Variants in HEXD observed in about 807,000 individuals in gnomAD.
HEXD encodes hexosaminidase D.
A neutral mutation model predicts 54.2 loss-of-function variants in HEXD; 47 were observed. That is an observed-to-expected ratio of 0.87 (90% CI 0.69 to 1.11). The LOEUF (loss-of-function observed/expected upper bound fraction) is 1.11. Ranked by LOEUF, HEXD falls within the 50% of genes least tolerant of loss-of-function variation. The pLI is 0.00. For missense variants in HEXD, 576 were observed against 649.2 expected (o/e 0.89, Z 1.23); for synonymous variants, 293 against 287.6 (o/e 1.02, Z -0.19).
At position 82,435,794 on chromosome 17, in the gene HEXD, G is replaced by A. The variant is rs200042692; in HGVS notation, c.553G>A (p.Val185Met). The A allele has an allele frequency of 1.7e-4, 275 of 1,612,686 alleles. No individual in the cohort carries two copies. Among genetic ancestry groups the A allele is most frequent in the Non-Finnish European group, 2.0e-4 (234 of 1,179,886 alleles). The change falls in exon 6 of 13, where the codon GTG becomes ATG. Residue 185 changes from valine to methionine, a missense_variant. Transcript: ENST00000327949. ...LSHMRAVASG[V>M]KARRPSVTPL... ...ACACATGCGGGCGGTGGCCAGCGGCGTGAAGGCCCGGCGCCCCAGCGTGAC... is the reference window on the plus strand; with the variant it reads ...ACACATGCGGGCGGTGGCCAGCGGCATGAAGGCCCGGCGCCCCAGCGTGAC...
intron 7 of HEXD, 152 bp downstream of exon 7, chr17:82,436,890 C>A: frequency 1.4e-6 from 1 of 701,534 alleles, no homozygotes; most frequent in Non-Finnish European, 2.3e-6. Context: ...GCCCATGGTG[C>A]CTCGGGACGG....
At chr17:82,430,442 G>A (rs2053543201) in intron 4 of HEXD, among the ~76,000 whole-genome samples, 1 of 152,182 alleles carries the variant, frequency 6.6e-6, no homozygotes, top group Non-Finnish European at 1.5e-5. Flanking sequence ...AGGCTGGAGT[G>A]TAGTGGTGCA....
chr17:82,440,878 C>G, intron 9 of HEXD, 119 bp from the exon 10 acceptor site: 1 of 1,147,486 alleles, frequency 8.7e-7, no homozygotes, highest in Non-Finnish European at 1.3e-6. Context: ...CTGGGCCTGG[C>G]CAGTGGCTCT....
At chr17:82,426,597 A>G (rs2053421016) in intron 3 of HEXD, 1 of 152,202 alleles carries the variant, frequency 6.6e-6, no homozygotes, top group South Asian at 2.1e-4. Flanking sequence ...GGAAAGAAAG[A>G]AAGAAAATGT....
Position 82,439,657 on chromosome 17 carries a change from A to G in HEXD, c.926A>G (p.Glu309Gly). 6.3e-7 allele frequency: 1 copy of G among 1,593,446 alleles called. No homozygotes were observed. The highest frequency in any genetic ancestry group is 8.5e-7 in the Non-Finnish European group (1 of 1,174,180). ...TACGACCACTACTCTGTGCTGTGCGAGCTGCTGCCCGCAGGAGTCCCGTCC... is the reference window on the plus strand; with the variant it reads ...TACGACCACTACTCTGTGCTGTGCGGGCTGCTGCCCGCAGGAGTCCCGTCC... ...QRYDHYSVLCELLPAGVPSLA... is the reference protein window; with the variant it reads ...QRYDHYSVLCGLLPAGVPSLA... The change falls in exon 9 of 13, where the codon GAG becomes GGG. Residue 309 changes from glutamate (E) to glycine (G), a missense_variant. Transcript: ENST00000327949.
At chr17:82,431,668 C>T (rs751835958) in intron 4 of HEXD, among the ~76,000 whole-genome samples, 10 of 152,222 alleles carry the variant, frequency 6.6e-5, no homozygotes, top group East Asian at 3.9e-4. Flanking sequence ...CTGCCCGCTT[C>T]GGCCTCCCAA....
At chr17:82,436,484 C>A (rs567504935) in intron 6 of HEXD, among the ~76,000 whole-genome samples, 183 bp from the exon 7 acceptor site, 1 of 152,236 alleles carries the variant, frequency 6.6e-6, no homozygotes, top group Non-Finnish European at 1.5e-5. Flanking sequence ...CTCCAGCGGG[C>A]GCTGGCTTGG....
rs894903820 is a variant in HEXD, at chr17:82,442,493, AGT to A, written c.*112_*113del. The A allele has an allele frequency of 6.2e-7, 1 of 1,602,438 alleles. No homozygotes were observed. Among genetic ancestry groups the A allele is most frequent in the Non-Finnish European group, 8.5e-7 (1 of 1,171,074 alleles). ...TGGGCGTCGTGCCCTCTGGCCCAGC[AGT>A]GTCTTGCCCACACTCAGTTCCTGAG... On this transcript the variant is annotated 3_prime_UTR_variant, in exon 13 of 13. Transcript: ENST00000327949. This position sits in a 1 kb window ranked among gnomAD's most constrained non-coding sequence, Gnocchi z 6.8.
rs1427650520 is a variant in HEXD at position 82,427,561 on chromosome 17, TC to T, written c.195-996del. Reference sequence around the variant, plus strand: ...GAGATGATCAGGTGCGATGAGATGATCAAGTGCGATGACATGATCAGGGGTT... The same window carrying T: ...GAGATGATCAGGTGCGATGAGATGATAAGTGCGATGACATGATCAGGGGTT... On this transcript the variant is annotated intron_variant, in intron 3 of 12. Coordinates refer to ENST00000327949, the MANE Select transcript of HEXD (RefSeq NM_001330542.2). Among the ~76,000 whole-genome samples the T allele has an allele frequency of 4.6e-5, 7 of 152,126 alleles. No individual in the cohort carries two copies. In the East Asian group the frequency reaches 1.3e-3, roughly 29 times the overall value.
In HEXD at chr17:82,437,439, G is replaced by A. The variant is rs1446494956; in HGVS notation, c.899+76G>A. On this transcript the variant is annotated intron_variant, in intron 8 of 12. Transcript: ENST00000327949. ...CACCACGTCGGCCTGTGCAGCGTCC[G>A]CCAAGGGCCTTCCCAGGTTGGTCAA... 18 of 1,292,754 alleles carry A rather than the reference G, an allele frequency of 1.4e-5. No individual in the cohort carries two copies. In the Admixed American group the frequency reaches 1.9e-4, roughly 14 times the overall value. 80.1% of individuals were successfully genotyped at this position (1,292,754 alleles called of 1,614,324 possible).
intron 2 of HEXD, among the ~76,000 whole-genome samples, 164 bp from the exon 3 acceptor site, chr17:82,424,230 A>G (rs1178454656): frequency 6.6e-6 from 1 of 152,196 alleles, no homozygotes; most frequent in Non-Finnish European, 1.5e-5. Flanking sequence ...TTCATTTGGC[A>G]TAACGTAAAG....
rs1300014201 is a variant in HEXD at position 82,433,092 on chromosome 17, ATATATATATATATAT to A, written c.283-565_283-551del. Reference sequence around the variant, plus strand: ...AAAAAAAAAAGAAAAAAAAAAAAAAATATATATATATATATATATATATATATATATATATATTTT... The same window carrying A: ...AAAAAAAAAAGAAAAAAAAAAAAAAAATATATATATATATATATATATTTT... On this transcript the variant is annotated intron_variant, in intron 4 of 12. Coordinates refer to ENST00000327949, the MANE Select transcript of HEXD (RefSeq NM_001330542.2). Among the ~76,000 whole-genome samples, 9 of 10,340 alleles carry A rather than the reference ATATATATATATATAT, an allele frequency of 8.7e-4. 3 individuals carry two copies. Among genetic ancestry groups the A allele is most frequent in the African/African-American group, 3.7e-3 (7 of 1,882 alleles). 6.8% of individuals were successfully genotyped at this position (10,340 alleles called of 152,430 possible).
intron 1 of HEXD, 24 bp from the exon 2 acceptor site, chr17:82,419,725 A>G (rs2053174951): frequency 3.3e-6 from 3 of 909,508 alleles, no homozygotes. Flanking sequence ...GCCCCTGTTG[A>G]TAACTCTTGA....
At chr17:82,419,422 C>T (rs1332474885) in intron 1 of HEXD, among the ~76,000 whole-genome samples, 1 of 152,206 alleles carries the variant, frequency 6.6e-6, no homozygotes, top group African/African-American at 2.4e-5. Context: ...AGGCTTCTGC[C>T]CGACTGTTTT....
chr17:82,421,889 AAAG>A (rs1184659752), intron 2 of HEXD, among the ~76,000 whole-genome samples: 1 of 151,112 alleles, frequency 6.6e-6, no homozygotes, highest in Non-Finnish European at 1.5e-5. Flanking sequence ...AGGTAAGAAA[AAAG>A]AAGGCCAGGC....
chr17:82,440,308 G>C (rs1057212497), intron 9 of HEXD: 1 of 1,261,618 alleles, frequency 7.9e-7, no homozygotes, highest in Non-Finnish European at 1.0e-6. Context: ...CCGCAGGCGC[G>C]GCGGCCCAGG....
intron 3 of HEXD, 78 bp downstream of exon 3, chr17:82,424,581 C>A: frequency 3.1e-6 from 3 of 975,552 alleles, no homozygotes; most frequent in East Asian, 2.4e-5. Context: ...GGAGGAGCAG[C>A]AACCTGGAGG....
At chr17:82,436,151 G>T (rs1042003467) in intron 6 of HEXD, among the ~76,000 whole-genome samples, 1 of 152,252 alleles carries the variant, frequency 6.6e-6, no homozygotes, top group Non-Finnish European at 1.5e-5. Context: ...TCCCTGCTGG[G>T]ACTGGGGGCC....
At chr17:82,420,113 A>T in intron 2 of HEXD, 2 of 352,692 alleles carry the variant, frequency 5.7e-6, no homozygotes, top group Non-Finnish European at 5.1e-6. Flanking sequence ...AACAAAAGAA[A>T]CTCACAGCTT....
Sources: gnomAD v4.1 joint callset for allele counts (sites outside exome capture counted in the v4.1 genomes callset) on GRCh38, gnomAD v4.1.1 for gene constraint, Gnocchi (gnomAD v3.1) non-coding constraint, MANE v1.5 for transcripts, NCBI Gene and HGNC (gene_info 2026-07-23, HGNC 2026-07-21) for gene names.